Variants in ZNF469 observed in about 807,000 individuals in gnomAD.
ZNF469 encodes the protein zinc finger protein 469.
ZNF469 carries 1 observed loss-of-function variant against 1.0 expected under a neutral mutation model. The observed-to-expected ratio is 1.00, with a 90% CI of 0.35 to 4.73. The LOEUF (loss-of-function observed/expected upper bound fraction) is 4.73, where lower values mean the gene tolerates loss of function less well. Ranked by LOEUF, ZNF469 falls within the 30% of genes most tolerant of loss-of-function variation. The pLI is 0.16. For synonymous variants in ZNF469, 2,703 were observed against 2,363.4 expected, an observed-to-expected ratio of 1.14 and a Z score of -4.17; for missense variants, 6,100 against 5,356.3, an observed-to-expected ratio of 1.14 and a Z score of -4.33.
rs1315760548 is a variant in ZNF469, at chr16:88,430,411, C to T, written c.2941C>T (p.Arg981Trp). 1.3e-6 allele frequency: 2 copies of T among 1,519,788 alleles called. No homozygotes were observed. The highest frequency in any genetic ancestry group is 1.4e-5 in the African/African-American group (1 of 72,326). 94.1% of individuals were successfully genotyped at this position (1,519,788 alleles called of 1,614,324 possible). ...CGGCAGAGCCTCCGGCCTGAGGCCC[C>T]GGAGGAACGACGGTCTCGGGGAGCG... ...GGGRASGLRP[R>W]RNDGLGERPP... Residue 981 changes from arginine to tryptophan, a missense_variant, in exon 3 of 3, where the codon CGG (arginine) becomes TGG (tryptophan). Arg to Trp is a moderately radical substitution (Grantham distance 101, BLOSUM62 -3). Transcript: ENST00000565624.
the ZNF469 span, among the ~76,000 whole-genome samples, chr16:88,267,729 A>G: frequency 1.3e-5 from 2 of 149,548 alleles, no homozygotes; most frequent in East Asian, 3.9e-4. Flanking sequence ...GACTTACCCA[A>G]GTCCAGGAGG....
At chr16:88,256,170 G>A in the ZNF469 span, among the ~76,000 whole-genome samples, 2 of 152,144 alleles carry the variant, frequency 1.3e-5, no homozygotes, top group African/African-American at 4.8e-5. Flanking sequence ...ATACAAAGTA[G>A]TTTCACCGCC....
the ZNF469 span, among the ~76,000 whole-genome samples, chr16:88,205,923 G>A: frequency 6.6e-6 from 1 of 152,012 alleles, no homozygotes; most frequent in Non-Finnish European, 1.5e-5. The surrounding 1 kb of genome is among the most constrained non-coding windows in gnomAD (Gnocchi z 4.2). Context: ...AGAGGGTGTG[G>A]AGAACTGGGG....
At chr16:88,286,463 C>T in the ZNF469 span, among the ~76,000 whole-genome samples, 3 of 152,258 alleles carry the variant, frequency 2.0e-5, no homozygotes, top group African/African-American at 7.2e-5. Flanking sequence ...CGGGTATTTA[C>T]ACCTTCCTGC....
At position 88,436,581 on chromosome 16, in the gene ZNF469, C is replaced by T. The variant is rs1358478868; in HGVS notation, c.9111C>T (p.His3037=). 4.5e-6 allele frequency: 7 copies of T among 1,550,108 alleles called. No homozygotes were observed. The highest frequency in any genetic ancestry group is 5.2e-6 in the Non-Finnish European group (6 of 1,146,960). The change falls in exon 3 of 3, where the codon CAC becomes CAT. Residue 3037 remains histidine (H), a synonymous_variant. Transcript: ENST00000565624. The stretch of plus-strand genomic sequence containing the variant: ...ACGGTGGGCTTCCCGGGAACACCCA[C>T]CTGCTGCCGCTCCGTGCCACGGACT... ...RCDGGLPGNT[H]LLPLRATDFE...
chr16:88,232,660 G>A, the ZNF469 span, among the ~76,000 whole-genome samples: 4 of 152,340 alleles, frequency 2.6e-5, no homozygotes, highest in African/African-American at 4.8e-5. Context: ...GTCAGCCTGC[G>A]GCAAGAGGGT....
Position 88,429,468 on chromosome 16 carries a change from C to T in ZNF469, c.1998C>T (p.Ala666=), listed in dbSNP as rs1905969434. Reference sequence around the variant, plus strand: ...CCACCCACTACCAGCCAGAGCCAGCCAAGGCCTTCCCTTTTCCCGCAGATG... The same window carrying T: ...CCACCCACTACCAGCCAGAGCCAGCTAAGGCCTTCCCTTTTCCCGCAGATG... ...SLPTHYQPEP[A]KAFPFPADGL... The change falls in exon 3 of 3, where the codon GCC becomes GCT. Residue 666 remains alanine (A), a synonymous_variant. Coordinates refer to ENST00000565624, the MANE Select transcript of ZNF469 (RefSeq NM_001367624.2). The T allele has an allele frequency of 2.6e-6, 4 of 1,550,002 alleles. No homozygotes were observed. In the South Asian group the frequency reaches 4.8e-5, roughly 18 times the overall value.
At chr16:88,400,982 G>T (rs1285072443) in intron 1 of ZNF469, among the ~76,000 whole-genome samples, 2 of 152,012 alleles carry the variant, frequency 1.3e-5, no homozygotes. Context: ...GAGGGGGATG[G>T]AAGGGCATCC....
chr16:88,101,727 T>C, the ZNF469 span, among the ~76,000 whole-genome samples: 2 of 152,180 alleles, frequency 1.3e-5, no homozygotes, highest in Admixed American at 1.3e-4. Context: ...ATCCTTTCAT[T>C]TGAACACGTT....
chr16:88,334,096 A>G, the ZNF469 span, among the ~76,000 whole-genome samples: 2 of 149,196 alleles, frequency 1.3e-5, no homozygotes, highest in Admixed American at 1.3e-4. Flanking sequence ...GTGCATGTGT[A>G]TGTCTGTGTC....
the ZNF469 span, among the ~76,000 whole-genome samples, chr16:88,309,241 G>C: frequency 6.6e-6 from 1 of 152,264 alleles, no homozygotes; most frequent in African/African-American, 2.4e-5. Context: ...AGTGGGCTCC[G>C]TGGTGGTGTG....
chr16:88,153,050 G>A, the ZNF469 span, among the ~76,000 whole-genome samples: 1 of 152,188 alleles, frequency 6.6e-6, no homozygotes, highest in African/African-American at 2.4e-5. Context: ...GGTGGCGCGA[G>A]GGTTCCCTCC....
the ZNF469 span, among the ~76,000 whole-genome samples, chr16:88,211,751 C>A: frequency 6.6e-6 from 1 of 152,112 alleles, no homozygotes; most frequent in African/African-American, 2.4e-5. Context: ...CTGTGATCTC[C>A]ACAAATTCTG....
chr16:88,239,697 ATATATATATATATATATATTTTT>A, the ZNF469 span, among the ~76,000 whole-genome samples: 48 of 6,566 alleles, frequency 7.3e-3, 3 homozygotes, highest in Non-Finnish European at 8.2e-3. Flanking sequence ...ATATATATAT[ATATATATATATATATATATTTTT>A]TTTTTTTTTT....
the ZNF469 span, among the ~76,000 whole-genome samples, chr16:88,243,744 T>G: frequency 6.8e-6 from 1 of 146,822 alleles, no homozygotes; most frequent in Non-Finnish European, 1.5e-5. Context: ...GATGGGTGGA[T>G]GGAAGGGTGG....
the ZNF469 span, among the ~76,000 whole-genome samples, chr16:88,102,803 G>T: frequency 1.3e-5 from 2 of 152,212 alleles, no homozygotes; most frequent in Non-Finnish European, 1.5e-5. Flanking sequence ...CCACCGCAGG[G>T]CCCCTGATCG....
chr16:88,130,213 C>T, the ZNF469 span, among the ~76,000 whole-genome samples: 1 of 152,298 alleles, frequency 6.6e-6, no homozygotes, highest in Non-Finnish European at 1.5e-5. Context: ...GGAGGCCAAG[C>T]TGTCCAGCCC....
chr16:88,382,445 C>T (rs546128816), upstream of ZNF469, among the ~76,000 whole-genome samples: 1 of 152,296 alleles, frequency 6.6e-6, no homozygotes, highest in East Asian at 1.9e-4. Context: ...ACAAGGGACC[C>T]AGAGTGGAGA....
the ZNF469 span, among the ~76,000 whole-genome samples, chr16:88,185,441 TAC>T: frequency 2.6e-5 from 4 of 151,812 alleles, no homozygotes; most frequent in Admixed American, 2.0e-4. Flanking sequence ...AACACATGCA[TAC>T]ACACTTGTGT....
Sources: gnomAD v4.1 joint callset for allele counts (sites outside exome capture counted in the v4.1 genomes callset) on GRCh38, gnomAD v4.1.1 for gene constraint, Gnocchi (gnomAD v3.1) non-coding constraint, MANE v1.5 for transcripts, NCBI Gene and HGNC (gene_info 2026-07-23, HGNC 2026-07-21) for gene names.